ALOX12B: variants seen among roughly 807,000 people sequenced by gnomAD.
The protein encoded by ALOX12B is arachidonate 12-lipoxygenase, 12R type.
ALOX12B carries 47 observed loss-of-function variants against 78.9 expected under a neutral mutation model. The ratio of observed to expected loss-of-function variants is 0.60; its 90% confidence interval spans 0.47 to 0.76. The LOEUF is 0.76. Ranked by LOEUF, ALOX12B falls within the 30% of genes least tolerant of loss-of-function variation. The pLI is 0.00. For missense variants in ALOX12B, 805 were observed against 922.6 expected, an observed-to-expected ratio of 0.87 and a Z score of 1.65; for synonymous variants, 370 against 374.5, an observed-to-expected ratio of 0.99 and a Z score of 0.14.
chr17:8,079,810 G>A lies in ALOX12B; in HGVS notation c.886C>T (p.Pro296Ser). Residue 296 changes from proline to serine, a missense_variant, in exon 7 of 15, where the codon CCG (proline) becomes TCG (serine). Pro to Ser is a moderately conservative substitution (Grantham distance 74). Coordinates refer to ENST00000647874, the MANE Select transcript of ALOX12B (RefSeq NM_001139.3). This position sits in a 1 kb window ranked among gnomAD's most constrained non-coding sequence, Gnocchi z 6.4. ...KFPVTDDMVA[P>S]FLGEGTCLQA... ...AAGCACGTTCCCTCGCCCAGGAACGGAGCCACCATGTCGTCTGTGACGGGG... is the reference window on the plus strand; with the variant it reads ...AAGCACGTTCCCTCGCCCAGGAACGAAGCCACCATGTCGTCTGTGACGGGG... 1 of 1,613,420 alleles carries A rather than the reference G, an allele frequency of 6.2e-7. No individual in the cohort carries two copies. Among genetic ancestry groups the A allele is most frequent in the East Asian group, 2.2e-5 (1 of 44,874 alleles).
At position 8,081,177 on chromosome 17, in the gene ALOX12B, T is replaced by C. The variant is rs1187613590; in HGVS notation, c.363A>G (p.Thr121=). 9 of 1,613,842 alleles carry C rather than the reference T, an allele frequency of 5.6e-6. No homozygotes were observed. Among genetic ancestry groups the C allele is most frequent in the Admixed American group, 1.7e-5 (1 of 60,000 alleles). Reference sequence around the variant, plus strand: ...GGAGGACGGGGAGCGAGTCATCTGCTGTTGTCTTTCCTGTAGGGAGACCAA... The same window carrying C: ...GGAGGACGGGGAGCGAGTCATCTGCCGTTGTCTTTCCTGTAGGGAGACCAA... ...LALREATGKT[T]ADDSLPVLLE... The change falls in exon 3 of 15, where the codon ACA becomes ACG. Residue 121 remains threonine, a synonymous_variant. Coordinates refer to ENST00000647874, the MANE Select transcript of ALOX12B (RefSeq NM_001139.3).
rs1009012895 is a variant in ALOX12B, at chr17:8,079,252, G to A, written c.1071+144C>T. On this transcript the variant is annotated intron_variant, in intron 8 of 14. Transcript: ENST00000647874. The surrounding 1 kb of genome is among the most constrained non-coding windows in gnomAD (Gnocchi z 6.4). The stretch of plus-strand genomic sequence containing the variant: ...GCATCTGCAGATTTTGGCATCCCGG[G>A]GAGGTCCTGGAACCAATCTCTCAAG... 3 of 1,251,430 alleles carry A rather than the reference G, an allele frequency of 2.4e-6. No homozygotes were observed. The Admixed American group carries it at 8.8e-5, about 37-fold the overall frequency. 77.5% of individuals were successfully genotyped at this position (1,251,430 alleles called of 1,614,324 possible). A position where few individuals can be genotyped will look rare whatever the true frequency, so the allele number is the denominator to read the frequency against.
Position 8,080,381 on chromosome 17 carries a change from C to A in ALOX12B, c.651-43G>T, listed in dbSNP as rs765248371. 1 of 1,606,848 alleles carries A rather than the reference C, an allele frequency of 6.2e-7. No individual in the cohort carries two copies. The highest frequency in any genetic ancestry group is 8.5e-7 in the Non-Finnish European group (1 of 1,173,556). ...AGGAAGAGGCCTTCAGAGGGGCTGC[C>A]AAGCGCCGGCTGGGGCAGGTGGCGG... is the stretch of plus-strand genomic sequence containing the variant. On this transcript the variant is annotated intron_variant, in intron 5 of 14. Coordinates refer to ENST00000647874, the MANE Select transcript of ALOX12B (RefSeq NM_001139.3). The surrounding 1 kb of genome is among the most constrained non-coding windows in gnomAD (Gnocchi z 4.8).
At position 8,087,401 on chromosome 17, in the gene ALOX12B, G is replaced by A. The variant is rs3027308; in HGVS notation, c.42C>T (p.Leu14=). The A allele has an allele frequency of 7.8e-3, 12,670 of 1,614,224 alleles. 623 individuals are homozygous for A. The African/African-American group carries it at 0.12, about 16-fold the overall frequency. The part of the protein sequence containing the change: ...YKVRVATGTD[L]LSGTRDSISL... The stretch of plus-strand genomic sequence containing the variant: ...AGATGGAGTCCCGTGTTCCCGACAA[G>A]AGGTCGGTGCCTGTGGCCACCCTGA... Residue 14 remains leucine, a synonymous_variant, in exon 1 of 15, where the codon CTC becomes CTT. Transcript: ENST00000647874.
At position 8,080,822 on chromosome 17, in the gene ALOX12B, G is replaced by A; in HGVS notation, c.528-42C>T. ...AGGGCAACTGGGATCCAGGGGGCGG[G>A]GAGGAGGCAGGCGCCCAGGGGAAAA... On this transcript the variant is annotated intron_variant, in intron 4 of 14. Transcript: ENST00000647874. This position sits in a 1 kb window ranked among gnomAD's most constrained non-coding sequence, Gnocchi z 4.8. 1 of 1,614,080 alleles carries A rather than the reference G, an allele frequency of 6.2e-7. No individual in the cohort carries two copies. Among genetic ancestry groups the A allele is most frequent in the Non-Finnish European group, 8.5e-7 (1 of 1,179,984 alleles).
intron 8 of ALOX12B, among the ~76,000 whole-genome samples, chr17:8,077,753 T>G (rs1029420250): frequency 6.6e-6 from 1 of 152,222 alleles, no homozygotes; most frequent in East Asian, 1.9e-4. Context: ...AGTCTAATTA[T>G]CTCAGTATTT....
intron 10 of ALOX12B, 102 bp downstream of exon 10, chr17:8,076,555 C>G (rs1486215856): frequency 2.2e-6 from 3 of 1,393,568 alleles, no homozygotes; most frequent in Non-Finnish European, 3.0e-6. Flanking sequence ...TTCATGCCCC[C>G]TCATGATGAC....
intron 2 of ALOX12B, among the ~76,000 whole-genome samples, chr17:8,083,376 C>T (rs535354863): frequency 8.5e-4 from 129 of 152,256 alleles, no homozygotes; most frequent in African/African-American, 3.0e-3. Flanking sequence ...TACGTGGGGA[C>T]AAGGCTGGAT....
intron 8 of ALOX12B, among the ~76,000 whole-genome samples, chr17:8,077,427 C>T (rs1270715922): frequency 6.6e-6 from 1 of 152,196 alleles, no homozygotes; most frequent in East Asian, 1.9e-4. Flanking sequence ...CCTGGCAGCT[C>T]CCACTTATTC....
chr17:8,078,983 C>T (rs371582279), intron 8 of ALOX12B, among the ~76,000 whole-genome samples: 3 of 150,770 alleles, frequency 2.0e-5, no homozygotes, highest in Non-Finnish European at 4.4e-5. Flanking sequence ...CTGCAAGCTC[C>T]GCTTCCTGGG....
chr17:8,072,648 T>G lies in ALOX12B; in HGVS notation c.*123A>C. 3.6e-6 allele frequency: 5 copies of G among 1,395,506 alleles called. No homozygotes were observed. Among genetic ancestry groups the G allele is most frequent in the Non-Finnish European group, 5.0e-6 (5 of 994,294 alleles). The allele number at this position is 1,395,506 out of a possible 1,614,324, so 86.4% of individuals were successfully genotyped here. ...AGCCAGACCCAGGGAAAGGAAGGTT[T>G]TTTGTTTTTTTGTTTGTTTGGTGTT... On this transcript the variant is annotated 3_prime_UTR_variant, in exon 15 of 15. Transcript: ENST00000647874.
chr17:8,080,458 G>A lies in ALOX12B; in HGVS notation c.651-120C>T, dbSNP rs1977190592. The A allele has an allele frequency of 7.1e-7, 1 of 1,400,330 alleles. No individual in the cohort carries two copies. The highest frequency in any genetic ancestry group is 1.2e-5 in the South Asian group (1 of 85,880). 86.7% of individuals were successfully genotyped at this position (1,400,330 alleles called of 1,614,324 possible). On this transcript the variant is annotated intron_variant, in intron 5 of 14. Transcript: ENST00000647874. The surrounding 1 kb of genome is among the most constrained non-coding windows in gnomAD (Gnocchi z 4.8). ...GGTCTCAGGGTCTGTGCGTCGCAAA[G>A]TCTCTGGGTCCCATGTCTCAAGATC...
At chr17:8,075,156 C>T (rs1477602364) in intron 12 of ALOX12B, among the ~76,000 whole-genome samples, 1 of 152,234 alleles carries the variant, frequency 6.6e-6, no homozygotes, top group African/African-American at 2.4e-5. Flanking sequence ...CAGTGTTGCA[C>T]TGTGGATGCT....
At chr17:8,076,529 C>G in intron 10 of ALOX12B, 128 bp downstream of exon 10, 1 of 1,302,010 alleles carries the variant, frequency 7.7e-7, no homozygotes, top group South Asian at 1.3e-5. Context: ...GAACCAACTT[C>G]ATCCAGCTCC....
chr17:8,076,875 C>T, intron 9 of ALOX12B, 115 bp downstream of exon 9: 2 of 720,062 alleles, frequency 2.8e-6, no homozygotes, highest in Admixed American at 6.2e-5. Flanking sequence ...TTGTGGTCCC[C>T]AGATGCCCCC....
intron 2 of ALOX12B, among the ~76,000 whole-genome samples, chr17:8,085,090 G>A (rs1978292701): frequency 6.6e-6 from 1 of 152,184 alleles, no homozygotes; most frequent in Admixed American, 6.5e-5. Context: ...GGATTAAGGG[G>A]GGCCTTTTGG....
Position 8,073,331 on chromosome 17 carries a change from T to C in ALOX12B, c.1756-13A>G. On this transcript the variant is annotated splice_polypyrimidine_tract_variant and intron_variant, in intron 13 of 14. Coordinates refer to ENST00000647874, the MANE Select transcript of ALOX12B (RefSeq NM_001139.3). ...CGGTGAACTCCATCTGGAGGTGGGA[T>C]AGAGGCGCGGGTCTGGGTGGAAGAG... 1 of 1,613,862 alleles carries C rather than the reference T, an allele frequency of 6.2e-7. No individual in the cohort carries two copies. The highest frequency in any genetic ancestry group is 8.5e-7 in the Non-Finnish European group (1 of 1,179,968).
intron 12 of ALOX12B, among the ~76,000 whole-genome samples, chr17:8,074,117 C>T (rs1245941757): frequency 1.3e-5 from 2 of 152,108 alleles, no homozygotes; most frequent in African/African-American, 4.8e-5. Flanking sequence ...AGAGTCCTGC[C>T]CCGACTCAAC....
chr17:8,083,651 C>A (rs1406838347), intron 2 of ALOX12B, among the ~76,000 whole-genome samples: 1 of 152,004 alleles, frequency 6.6e-6, no homozygotes, highest in Non-Finnish European at 1.5e-5. Context: ...ATCACTTGAA[C>A]CCAGGAAGCA....
Sources: allele counts gnomAD v4.1 joint callset (sites outside exome capture counted in the v4.1 genomes callset), GRCh38; gene constraint gnomAD v4.1.1; non-coding constraint Gnocchi (gnomAD v3.1); transcripts MANE v1.5; gene names NCBI Gene and HGNC (gene_info 2026-07-23, HGNC 2026-07-21).